The following CCDC171 variants were observed in gnomAD, a reference collection of about 807,000 sequenced individuals.
CCDC171 encodes the protein coiled-coil domain containing 171, also known as coiled-coil domain-containing protein 171.
A neutral mutation model predicts 168.2 loss-of-function variants in CCDC171; 177 were observed. The ratio of observed to expected loss-of-function variants is 1.05; its 90% CI spans 0.93 to 1.19. The LOEUF is 1.19. Among genes scored for constraint, CCDC171 ranks in the 50% most tolerant of loss-of-function variants. The pLI is 0.00. For synonymous variants in CCDC171, 687 were observed against 540.8 expected, an observed-to-expected ratio of 1.27 and a Z score of -3.75; for missense variants, 1,991 against 1,539.0, an observed-to-expected ratio of 1.29 and a Z score of -4.91.
At chr9:15,599,361 C>G (rs1035678173) in intron 6 of CCDC171, among the ~76,000 whole-genome samples, 3 of 152,118 alleles carry the variant, frequency 2.0e-5, no homozygotes, top group African/African-American at 7.2e-5. Flanking sequence ...CCAAATCTCT[C>G]AGCATTTGCT....
intron 23 of CCDC171, among the ~76,000 whole-genome samples, chr9:15,863,720 A>G (rs1171571449): frequency 6.6e-6 from 1 of 152,058 alleles, no homozygotes; most frequent in Non-Finnish European, 1.5e-5. Context: ...CAATGTTTAG[A>G]CTTCCTCAAG....
intron 24 of CCDC171, among the ~76,000 whole-genome samples, chr9:15,902,993 C>T (rs915045786): frequency 2.6e-5 from 4 of 152,176 alleles, no homozygotes; most frequent in African/African-American, 4.8e-5. Context: ...GAGGGGCGCT[C>T]GCCATTGCCT....
chr9:15,901,487 T>C (rs1014360839), intron 24 of CCDC171, among the ~76,000 whole-genome samples: 1 of 152,210 alleles, frequency 6.6e-6, no homozygotes, highest in African/African-American at 2.4e-5. Flanking sequence ...TCAACTTTTC[T>C]GTGAACCTAA....
chr9:15,780,240 G>A (rs1454772206), intron 20 of CCDC171, among the ~76,000 whole-genome samples: 2 of 152,064 alleles, frequency 1.3e-5, no homozygotes, highest in Non-Finnish European at 2.9e-5. Context: ...TTTCTTTTCG[G>A]TAAATGTCTA....
chr9:16,027,583 GA>G (rs1833298297), intron 6 of CCDC171, among the ~76,000 whole-genome samples: 1 of 152,234 alleles, frequency 6.6e-6, no homozygotes, highest in South Asian at 2.1e-4. Context: ...GCTTGTGTAT[GA>G]AGTCAGGTTT....
In CCDC171 at chr9:15,821,293, C is replaced by A. The variant is rs1399712495; in HGVS notation, c.3268-25409C>A. Among the ~76,000 whole-genome samples the A allele has an allele frequency of 1.7e-5, 2 of 117,182 alleles. 1 individual carries two copies. The highest frequency in any genetic ancestry group is 3.8e-5 in the Non-Finnish European group (2 of 52,256). The allele number at this position is 117,182 out of a possible 152,430, so 76.9% of individuals were successfully genotyped here. On this transcript the variant is annotated intron_variant, in intron 21 of 25. Coordinates refer to ENST00000380701, the MANE Select transcript of CCDC171 (RefSeq NM_173550.4). The stretch of plus-strand genomic sequence containing the variant: ...AACTGGCACAAGACAGGGATGCCCT[C>A]TCTCACCACTCCTATTCAACATAGT...
chr9:15,736,539 A>G (rs935186980), intron 16 of CCDC171, among the ~76,000 whole-genome samples: 2 of 152,060 alleles, frequency 1.3e-5, no homozygotes. Context: ...TTAAGTAGAG[A>G]CGGGGTTTCG....
intron 3 of CCDC171, among the ~76,000 whole-genome samples, chr9:16,006,026 A>T (rs896906661): frequency 6.6e-6 from 1 of 151,750 alleles, no homozygotes; most frequent in Non-Finnish European, 1.5e-5. Flanking sequence ...CGCCTGGCTA[A>T]TTTTTTTGTA....
intron 24 of CCDC171, among the ~76,000 whole-genome samples, chr9:15,916,722 A>G (rs1306036160): frequency 6.6e-6 from 1 of 152,052 alleles, no homozygotes; most frequent in Non-Finnish European, 1.5e-5. Context: ...TTATATTCTA[A>G]TGCACGTACA....
At chr9:15,965,150 T>TGA (rs757333901) in intron 25 of CCDC171, among the ~76,000 whole-genome samples, 6 of 152,350 alleles carry the variant, frequency 3.9e-5, no homozygotes, top group Non-Finnish European at 5.9e-5. Context: ...GAAAGGGCTA[T>TGA]AACTTTCATT....
intron 21 of CCDC171, among the ~76,000 whole-genome samples, chr9:15,828,019 G>A (rs541244580): frequency 6.6e-6 from 1 of 152,160 alleles, no homozygotes; most frequent in Admixed American, 6.5e-5. Flanking sequence ...CAGAGTAAAT[G>A]TAGAGGATAT....
chr9:15,970,735 G>T (rs10810511), intron 25 of CCDC171, among the ~76,000 whole-genome samples: 8,183 of 152,112 alleles, frequency 0.054, 318 homozygotes, highest in Non-Finnish European at 0.082. Flanking sequence ...TCAAATATAT[G>T]ACAAATTATT....
rs183719575 is a variant in CCDC171, at chr9:15,581,704, G to C, written c.352+2681G>C. 3.7e-4 allele frequency among the ~76,000 whole-genome samples: 56 copies of C among 152,150 alleles called. 2 individuals are homozygous for C. The highest frequency in any genetic ancestry group is 1.4e-3 in the African/African-American group (56 of 41,452). On this transcript the variant is annotated intron_variant, in intron 4 of 25. Transcript: ENST00000380701. ...GAAAGGATTCCCTATTTAATAAATT[G>C]TGTTGGGAAAACTGGCTAGCCATAT... is the stretch of plus-strand genomic sequence containing the variant.
At chr9:15,825,959 T>C (rs774551196) in intron 21 of CCDC171, among the ~76,000 whole-genome samples, 4 of 152,022 alleles carry the variant, frequency 2.6e-5, no homozygotes, top group Non-Finnish European at 5.9e-5. Flanking sequence ...ATTTTCTTGT[T>C]TTTGTTTTTC....
downstream of CCDC171, among the ~76,000 whole-genome samples, chr9:15,978,262 G>A (rs148971105): frequency 2.0e-5 from 3 of 152,282 alleles, no homozygotes; most frequent in Admixed American, 6.5e-5. Context: ...CTCTGAAGAC[G>A]ATTTAGAGAG....
chr9:15,810,598 C>A lies in CCDC171; in HGVS notation c.3267+25904C>A, dbSNP rs978482827. ...ACAATTTGAGCACGGTGCGGGCGGG[C>A]CGGCAGTGCTGGGGAATCTGGTGCA... On this transcript the variant is annotated intron_variant, in intron 21 of 25. Coordinates refer to ENST00000380701, the MANE Select transcript of CCDC171 (RefSeq NM_173550.4). Among the ~76,000 whole-genome samples, 5 of 152,176 alleles carry A rather than the reference C, an allele frequency of 3.3e-5. No individual in the cohort carries two copies. In the East Asian group the frequency reaches 9.7e-4, roughly 29 times the overall value.
At chr9:15,714,414 G>T (rs2052918535) in intron 11 of CCDC171, among the ~76,000 whole-genome samples, 1 of 152,108 alleles carries the variant, frequency 6.6e-6, no homozygotes, top group Admixed American at 6.5e-5. Context: ...TATGGGGTGG[G>T]TTCAGGTACC....
At chr9:15,814,183 G>T (rs2059469182) in intron 21 of CCDC171, among the ~76,000 whole-genome samples, 2 of 152,166 alleles carry the variant, frequency 1.3e-5, no homozygotes, top group African/African-American at 4.8e-5. Flanking sequence ...AATATTTTTG[G>T]TATCTGTAGC....
chr9:16,108,508 T>C, the CCDC171 span, among the ~76,000 whole-genome samples: 1 of 152,238 alleles, frequency 6.6e-6, no homozygotes, highest in Non-Finnish European at 1.5e-5. Context: ...TAGGCACTAG[T>C]TAATGTGGCA....
Sources: gnomAD v4.1 joint callset for allele counts (sites outside exome capture counted in the v4.1 genomes callset) on GRCh38, gnomAD v4.1.1 for gene constraint, MANE v1.5 for transcripts, NCBI Gene and HGNC (gene_info 2026-07-23, HGNC 2026-07-21) for gene names.